The following SPRED1 variants were observed in gnomAD, a reference collection of about 807,000 sequenced individuals.
SPRED1 encodes sprouty related EVH1 domain containing 1.
SPRED1 carries 18 observed loss-of-function variants against 52.3 expected under a neutral mutation model. The ratio of observed to expected loss-of-function variants is 0.34; its 90% CI spans 0.24 to 0.51. SPRED1 has a LOEUF of 0.51. Among genes scored for constraint, SPRED1 ranks in the 20% least tolerant of loss-of-function variants. The pLI, the probability that SPRED1 is intolerant of heterozygous loss-of-function variation, is 0.97. For missense variants in SPRED1, 485 were observed against 551.0 expected (o/e 0.88, Z 1.20); for synonymous variants, 155 against 179.7 (o/e 0.86, Z 1.10).
chr15:38,350,956 G>T, intron 6 of SPRED1, 58 bp from the exon 7 acceptor site: 1 of 1,517,264 alleles, frequency 6.6e-7, no homozygotes, highest in East Asian at 2.3e-5. Context: ...CCACCAAGGT[G>T]ACACGTAAAA....
chr15:38,339,465 T>C (rs1895987009), intron 4 of SPRED1, among the ~76,000 whole-genome samples: 1 of 152,328 alleles, frequency 6.6e-6, no homozygotes, highest in East Asian at 1.9e-4. Context: ...TTAGCTCTTC[T>C]ACATGACATG....
chr15:38,349,326 C>A, intron 5 of SPRED1, 96 bp from the exon 6 acceptor site: 2 of 914,692 alleles, frequency 2.2e-6, no homozygotes, highest in Non-Finnish European at 3.5e-6. Flanking sequence ...AAAAACTTTA[C>A]TGCTAATAAA....
chr15:38,323,519 G>A (rs892822975), intron 3 of SPRED1, among the ~76,000 whole-genome samples: 7 of 151,666 alleles, frequency 4.6e-5, no homozygotes, highest in African/African-American at 1.5e-4. Flanking sequence ...GAATAGAGTC[G>A]AGTCATCCCT....
At chr15:38,327,002 A>G (rs1046496969) in intron 4 of SPRED1, among the ~76,000 whole-genome samples, 1 of 152,210 alleles carries the variant, frequency 6.6e-6, no homozygotes, top group Non-Finnish European at 1.5e-5. Flanking sequence ...TTGAGCAAGA[A>G]GGTCACATGG....
chr15:38,260,363 T>C (rs1894182065), intron 1 of SPRED1, among the ~76,000 whole-genome samples: 1 of 152,226 alleles, frequency 6.6e-6, no homozygotes, highest in South Asian at 2.1e-4. Context: ...CTATCTTCAT[T>C]TGAGTGATAC....
chr15:38,335,558 G>GTT (rs1555391735), intron 4 of SPRED1, among the ~76,000 whole-genome samples: 1 of 151,834 alleles, frequency 6.6e-6, no homozygotes, highest in Non-Finnish European at 1.5e-5. Flanking sequence ...GGTATAGTAT[G>GTT]TCTCAGTTAA....
Position 38,353,017 on chromosome 15 carries a change from A to T in SPRED1, c.*1353A>T, listed in dbSNP as rs891438346. On this transcript the variant is annotated 3_prime_UTR_variant, in exon 7 of 7. Transcript: ENST00000299084. Reference sequence around the variant, plus strand: ...ACAAACTTTAAAGTACCTTGAAGTCAAATTGTCTGTTTTTGTTTTGTTGTT... The same window carrying T: ...ACAAACTTTAAAGTACCTTGAAGTCTAATTGTCTGTTTTTGTTTTGTTGTT... 7 of 152,378 alleles carry T rather than the reference A, an allele frequency of 4.6e-5. No homozygotes were observed. The highest frequency in any genetic ancestry group is 1.7e-4 in the African/African-American group (7 of 41,466). The allele number at this position is 152,378 out of a possible 1,614,324, so 9.4% of individuals were successfully genotyped here. A position where few individuals can be genotyped will look rare whatever the true frequency, so the allele number is the denominator to read the frequency against.
intron 2 of SPRED1, among the ~76,000 whole-genome samples, chr15:38,316,683 G>A (rs929949298): frequency 4.9e-5 from 7 of 143,100 alleles, no homozygotes; most frequent in African/African-American, 1.8e-4. Context: ...CATGCAATCA[G>A]TATAAACATT....
At chr15:38,289,665 A>G (rs904052979) in intron 1 of SPRED1, among the ~76,000 whole-genome samples, 1 of 152,218 alleles carries the variant, frequency 6.6e-6, no homozygotes, top group Non-Finnish European at 1.5e-5. Context: ...TAACTACAGA[A>G]GAAGGTTCAG....
At chr15:38,266,585 T>A (rs2043248823) in intron 1 of SPRED1, among the ~76,000 whole-genome samples, 1 of 152,182 alleles carries the variant, frequency 6.6e-6, no homozygotes, top group Non-Finnish European at 1.5e-5. Context: ...GAGGTTGCAG[T>A]AAGCCAAGAT....
At position 38,300,470 on chromosome 15, in the gene SPRED1, A is replaced by C. The variant is rs77844708; in HGVS notation, c.207+923A>C. Among the ~76,000 whole-genome samples, 1,026 of 152,262 alleles carry C rather than the reference A, an allele frequency of 6.7e-3. 32 individuals carry two copies. In the East Asian group the frequency reaches 0.088, roughly 13 times the overall value. On this transcript the variant is annotated intron_variant, in intron 2 of 6. Coordinates refer to ENST00000299084, the MANE Select transcript of SPRED1 (RefSeq NM_152594.3). ...GTTTTGAGCTCCAAATAATTCTTCC[A>C]TGCATGAACAGTTTGAATATGACTT...
chr15:38,256,177 T>C (rs142646685), intron 1 of SPRED1, among the ~76,000 whole-genome samples: 61 of 152,278 alleles, frequency 4.0e-4, no homozygotes, highest in African/African-American at 1.4e-3. Flanking sequence ...TTCACATTTA[T>C]GTTTAAAAAT....
chr15:38,336,980 A>G (rs1895937437), intron 4 of SPRED1, among the ~76,000 whole-genome samples: 1 of 152,218 alleles, frequency 6.6e-6, no homozygotes, highest in African/African-American at 2.4e-5. Flanking sequence ...TGAGAAAAAT[A>G]CTTTGTGCCT....
chr15:38,299,613 G>A, intron 2 of SPRED1, 66 bp downstream of exon 2: 2 of 1,486,460 alleles, frequency 1.3e-6, no homozygotes, highest in Non-Finnish European at 1.9e-6. Context: ...GTTATGATTA[G>A]TATACTGTTG....
chr15:38,279,178 T>C (rs1396795922), intron 1 of SPRED1, among the ~76,000 whole-genome samples: 2 of 152,200 alleles, frequency 1.3e-5, no homozygotes, highest in Non-Finnish European at 2.9e-5. Context: ...TGATTGAATC[T>C]GTGGATGTGG....
chr15:38,317,353 G>A (rs1477935417), intron 2 of SPRED1, among the ~76,000 whole-genome samples: 3 of 151,838 alleles, frequency 2.0e-5, no homozygotes, highest in Non-Finnish European at 4.4e-5. Flanking sequence ...ATTGCCATTG[G>A]TAATTAGTCT....
At chr15:38,272,856 G>A (rs1566850496) in intron 1 of SPRED1, among the ~76,000 whole-genome samples, 2 of 152,106 alleles carry the variant, frequency 1.3e-5, no homozygotes, top group South Asian at 4.1e-4. Flanking sequence ...GTCTGTTTAT[G>A]TCTTTTGCCC....
At chr15:38,300,466 T>G (rs1486225002) in intron 2 of SPRED1, among the ~76,000 whole-genome samples, 1 of 152,196 alleles carries the variant, frequency 6.6e-6, no homozygotes, top group Non-Finnish European at 1.5e-5. Context: ...CAAATAATTC[T>G]TCCATGCATG....
chr15:38,334,637 T>C (rs1334913002), intron 4 of SPRED1, among the ~76,000 whole-genome samples: 1 of 152,016 alleles, frequency 6.6e-6, no homozygotes, highest in African/African-American at 2.4e-5. Context: ...GCTTTTTTCA[T>C]TTAACAATAC....
Sources: allele counts gnomAD v4.1 joint callset (sites outside exome capture counted in the v4.1 genomes callset), GRCh38; gene constraint gnomAD v4.1.1; transcripts MANE v1.5; gene names NCBI Gene and HGNC (gene_info 2026-07-23, HGNC 2026-07-21).